FAM221A: variants seen among roughly 807,000 people sequenced by gnomAD.
FAM221A encodes family with sequence similarity 221 member A, also known as protein FAM221A.
Under a neutral mutation model 37.6 loss-of-function variants are expected in FAM221A, and 43 were observed. That is an observed-to-expected ratio of 1.15 (90% CI 0.90 to 1.48). FAM221A has a LOEUF of 1.48. Ranked by LOEUF, FAM221A falls within the 40% of genes most tolerant of loss-of-function variation. The probability of loss-of-function intolerance (pLI) is 0.00; values close to 1 mark genes in which losing one functional copy is unlikely to be tolerated. For missense variants in FAM221A, 361 were observed against 361.5 expected, an observed-to-expected ratio of 1.00 and a Z score of 0.01; for synonymous variants, 135 against 132.9, an observed-to-expected ratio of 1.02 and a Z score of -0.11.
intron 1 of FAM221A, 32 bp downstream of exon 1, chr7:23,680,315 C>A: frequency 6.7e-7 from 1 of 1,501,806 alleles, no homozygotes; most frequent in Non-Finnish European, 8.9e-7. Context: ...TGCCCCCCCG[C>A]CGCTCCGAGG....
chr7:23,688,595 A>T (rs1461402905), intron 2 of FAM221A: 3 of 152,020 alleles, frequency 2.0e-5, no homozygotes, highest in Admixed American at 6.6e-5. Context: ...AATTTAAGTA[A>T]TGCACTGTGA....
intron 1 of FAM221A, among the ~76,000 whole-genome samples, chr7:23,681,649 C>G (rs1302572677): frequency 6.6e-6 from 1 of 152,182 alleles, no homozygotes; most frequent in African/African-American, 2.4e-5. Context: ...CTCAAGCTAT[C>G]CACCTGCCTC....
intron 1 of FAM221A, among the ~76,000 whole-genome samples, chr7:23,681,615 C>T (rs755047705): frequency 6.6e-5 from 10 of 152,144 alleles, no homozygotes; most frequent in East Asian, 1.9e-4. Flanking sequence ...ACCACGTTGC[C>T]CAGGCTGGTC....
intron 4 of FAM221A, among the ~76,000 whole-genome samples, chr7:23,696,788 A>G (rs1237420092): frequency 6.6e-6 from 1 of 152,208 alleles, no homozygotes; most frequent in East Asian, 1.9e-4. Context: ...TTTCAGGTAT[A>G]GAGGAACCTA....
intron 4 of FAM221A, chr7:23,694,318 T>G (rs1784924121): frequency 6.6e-6 from 1 of 152,214 alleles, no homozygotes; most frequent in Admixed American, 6.5e-5. Flanking sequence ...CTTCCTGGTG[T>G]GTCATGATAT....
chr7:23,697,325 A>C (rs376669641), intron 4 of FAM221A, among the ~76,000 whole-genome samples: 73 of 152,278 alleles, frequency 4.8e-4, no homozygotes, highest in Non-Finnish European at 8.7e-4. Context: ...TGGTGTAGAG[A>C]TAGCAGTGTA....
chr7:23,683,431 A>G (rs1784182243), intron 1 of FAM221A, among the ~76,000 whole-genome samples: 1 of 152,208 alleles, frequency 6.6e-6, no homozygotes, highest in African/African-American at 2.4e-5. Context: ...GTTTGGAGAC[A>G]GGTATGGAAA....
chr7:23,682,896 GA>G, intron 1 of FAM221A, among the ~76,000 whole-genome samples: 1 of 152,302 alleles, frequency 6.6e-6, no homozygotes, highest in South Asian at 2.1e-4. Flanking sequence ...ATAGCTACAA[GA>G]AAATGAAATG....
At chr7:23,699,115 ATTTTTT>A (rs1185698578) in intron 5 of FAM221A, among the ~76,000 whole-genome samples, 1 of 133,278 alleles carries the variant, frequency 7.5e-6, no homozygotes, top group Non-Finnish European at 1.6e-5. Flanking sequence ...CAATGCTGGA[ATTTTTT>A]TTTTTTTTTT....
intron 6 of FAM221A, among the ~76,000 whole-genome samples, chr7:23,701,301 G>A (rs1584293267): frequency 7.0e-6 from 1 of 143,854 alleles, no homozygotes; most frequent in Non-Finnish European, 1.5e-5. Context: ...GTGCAGTGGC[G>A]CGATCTCGGC....
At chr7:23,686,291 T>A (rs35680552) in intron 2 of FAM221A, 9,281 of 430,896 alleles carry the variant, frequency 0.022, 268 homozygotes, top group African/African-American at 0.093. Flanking sequence ...TGAGACAGGG[T>A]CTTACTCTGT....
intron 4 of FAM221A, among the ~76,000 whole-genome samples, chr7:23,691,849 A>G (rs1404408120): frequency 6.6e-6 from 1 of 152,182 alleles, no homozygotes; most frequent in East Asian, 1.9e-4. Flanking sequence ...TTTAGAAAGC[A>G]AGTGGCAGAG....
At chr7:23,683,977 A>T (rs1157083508) in intron 1 of FAM221A, among the ~76,000 whole-genome samples, 1 of 152,242 alleles carries the variant, frequency 6.6e-6, no homozygotes, top group Non-Finnish European at 1.5e-5. Flanking sequence ...ATCTATAACT[A>T]AGATCTGAGT....
intron 5 of FAM221A, among the ~76,000 whole-genome samples, chr7:23,699,304 A>ATT (rs1785256840): frequency 6.8e-6 from 1 of 147,172 alleles, no homozygotes; most frequent in Non-Finnish European, 1.5e-5. Context: ...TTTTTTTTGC[A>ATT]GCAGCAGGGT....
intron 4 of FAM221A, 114 bp downstream of exon 4, chr7:23,691,710 C>G: frequency 1.1e-6 from 1 of 908,116 alleles, no homozygotes; most frequent in Non-Finnish European, 1.7e-6. Context: ...AGAAAACATT[C>G]TCTCGTTTGA....
chr7:23,700,937 A>G, intron 6 of FAM221A, 69 bp downstream of exon 6: 1 of 1,002,864 alleles, frequency 1.0e-6, no homozygotes, highest in South Asian at 1.5e-5. Context: ...ATGATTATAC[A>G]TTGAATGTGG....
chr7:23,701,236 C>CTTT lies in FAM221A; in HGVS notation c.828+369_828+370insTTT, dbSNP rs1283939718. Among the ~76,000 whole-genome samples the CTTT allele has an allele frequency of 8.0e-4, 58 of 72,744 alleles. 5 individuals are homozygous for CTTT. The highest frequency in any genetic ancestry group is 1.4e-3 in the African/African-American group (32 of 22,216). The allele number at this position is 72,744 out of a possible 152,430, so 47.7% of individuals were successfully genotyped here. On this transcript the variant is annotated intron_variant, in intron 6 of 6. Coordinates refer to ENST00000344962, the MANE Select transcript of FAM221A (RefSeq NM_199136.5). ...ATAAAGATTGAATATATTTTGAATT[C>CTTT]TCTTTTTTTTTTTTTTTTTTTGAGA...
Position 23,689,317 on chromosome 7 carries a change from C to T in FAM221A, c.288C>T (p.Pro96=). 2 of 1,585,562 alleles carry T rather than the reference C, an allele frequency of 1.3e-6. No individual in the cohort carries two copies. The highest frequency in any genetic ancestry group is 2.3e-5 in the East Asian group (1 of 44,120). Residue 96 remains proline, a synonymous_variant, in exon 3 of 7, where the codon CCC becomes CCT. Coordinates refer to ENST00000344962, the MANE Select transcript of FAM221A (RefSeq NM_199136.5). ...TGGAAGCGATTCCTCAGCAGTGCCCCATTGATCTGCCCTGCCAAGTGACTG... is the reference window on the plus strand; with the variant it reads ...TGGAAGCGATTCCTCAGCAGTGCCCTATTGATCTGCCCTGCCAAGTGACTG... ...TDLEAIPQQC[P]IDLPCQVTGC...
rs1456788559 is a variant in FAM221A at position 23,686,760 on chromosome 7, T to TG, written c.239+2088_239+2089insG. The TG allele has an allele frequency of 2.0e-5, 3 of 149,776 alleles. No individual in the cohort carries two copies. In the Admixed American group the frequency reaches 2.0e-4, roughly 10 times the overall value. The allele number at this position is 149,776 out of a possible 1,614,324, so 9.3% of individuals were successfully genotyped here. On this transcript the variant is annotated intron_variant, in intron 2 of 6. Coordinates refer to ENST00000344962, the MANE Select transcript of FAM221A (RefSeq NM_199136.5). ...TCACTACCCAAAGCCAGCTGCTAGTTTTTTTTTTTTACAATATCTGTATGA... is the reference window on the plus strand; with the variant it reads ...TCACTACCCAAAGCCAGCTGCTAGTTGTTTTTTTTTTACAATATCTGTATGA...
Sources: gnomAD v4.1 joint callset for allele counts (sites outside exome capture counted in the v4.1 genomes callset) on GRCh38, gnomAD v4.1.1 for gene constraint, MANE v1.5 for transcripts, NCBI Gene and HGNC (gene_info 2026-07-23, HGNC 2026-07-21) for gene names.